APP: variants seen among roughly 807,000 people sequenced by gnomAD.
APP encodes amyloid beta precursor protein, also known as amyloid-beta precursor protein.
Under a neutral mutation model 101.4 loss-of-function variants are expected in APP, and 31 were observed. The ratio of observed to expected loss-of-function variants is 0.31; its 90% CI spans 0.23 to 0.41. APP has a LOEUF of 0.41. Among genes scored for constraint, APP ranks in the 10% least tolerant of loss-of-function variants. The pLI is 1.00. For synonymous variants in APP, 366 were observed against 364.4 expected (o/e 1.00, Z -0.05); for missense variants, 839 against 1,003.7 (o/e 0.84, Z 2.22).
At chr21:26,079,356 G>C (rs761145283) in intron 3 of APP, among the ~76,000 whole-genome samples, 9 of 152,166 alleles carry the variant, frequency 5.9e-5, no homozygotes, top group Non-Finnish European at 1.0e-4. Context: ...TAGAAATACT[G>C]TTCACATTAA....
At chr21:26,153,449 CT>C (rs1318113925) in intron 1 of APP, among the ~76,000 whole-genome samples, 1 of 138,956 alleles carries the variant, frequency 7.2e-6, no homozygotes, top group Admixed American at 7.2e-5. Flanking sequence ...GCAGATACCC[CT>C]GTACCTTGTT....
chr21:26,101,358 A>G (rs758937004), intron 2 of APP, among the ~76,000 whole-genome samples: 1 of 152,028 alleles, frequency 6.6e-6, no homozygotes, highest in Non-Finnish European at 1.5e-5. Context: ...CGGCCTCCCA[A>G]TGTGCTGGGA....
chr21:25,967,594 T>TA (rs1307691839), intron 11 of APP, among the ~76,000 whole-genome samples: 3 of 152,178 alleles, frequency 2.0e-5, no homozygotes, highest in East Asian at 1.9e-4. Context: ...TTGATTGAAA[T>TA]AAAAAATCCC....
chr21:25,944,424 T>A (rs575717077), intron 13 of APP, among the ~76,000 whole-genome samples: 1 of 152,288 alleles, frequency 6.6e-6, no homozygotes, highest in South Asian at 2.1e-4. Context: ...CTTCTATGAT[T>A]TACTTTCTAA....
chr21:25,940,622 G>A (rs767917087), intron 13 of APP, among the ~76,000 whole-genome samples: 18 of 151,938 alleles, frequency 1.2e-4, no homozygotes, highest in Non-Finnish European at 1.6e-4. Flanking sequence ...TTAAATTTTT[G>A]TGAATTAATC....
At chr21:26,141,862 T>A (rs2063053478) in intron 1 of APP, among the ~76,000 whole-genome samples, 1 of 152,168 alleles carries the variant, frequency 6.6e-6, no homozygotes, top group African/African-American at 2.4e-5. Context: ...CATTCAAAAA[T>A]TCAGAAAGGC....
intron 17 of APP, among the ~76,000 whole-genome samples, chr21:25,884,327 A>G (rs2037184953): frequency 6.6e-6 from 1 of 152,172 alleles, no homozygotes; most frequent in African/African-American, 2.4e-5. Flanking sequence ...ATCTCCCCTT[A>G]GCACACTCCC....
intron 3 of APP, among the ~76,000 whole-genome samples, chr21:26,067,947 G>A (rs1196245654): frequency 2.0e-5 from 3 of 151,278 alleles, no homozygotes; most frequent in Non-Finnish European, 4.4e-5. Flanking sequence ...CTCAAAGCCT[G>A]ATAGATTTTA....
chr21:26,148,413 T>TG (rs2063196958), intron 1 of APP, among the ~76,000 whole-genome samples: 1 of 152,192 alleles, frequency 6.6e-6, no homozygotes, highest in Non-Finnish European at 1.5e-5. Flanking sequence ...CCTTTGCTAG[T>TG]GTTTTTTCTT....
chr21:25,887,378 T>C (rs964161424), intron 17 of APP, among the ~76,000 whole-genome samples: 1 of 151,998 alleles, frequency 6.6e-6, no homozygotes, highest in Non-Finnish European at 1.5e-5. Context: ...GTGGTAATAA[T>C]AAAGGGCTAT....
chr21:26,144,196 T>A (rs1037659855), intron 1 of APP, among the ~76,000 whole-genome samples: 2 of 152,138 alleles, frequency 1.3e-5, no homozygotes, highest in African/African-American at 4.8e-5. Context: ...GCCTCTATGA[T>A]TCAGTTATCT....
chr21:25,997,339 C>G, intron 8 of APP, 21 bp downstream of exon 8: 2 of 1,611,160 alleles, frequency 1.2e-6, no homozygotes, highest in Non-Finnish European at 8.5e-7. Context: ...CTTCCCTTCC[C>G]TCAGGTGAAT....
intron 5 of APP, among the ~76,000 whole-genome samples, chr21:26,039,038 TTTC>T (rs1346918503): frequency 1.3e-5 from 2 of 152,210 alleles, no homozygotes; most frequent in East Asian, 3.8e-4. Context: ...TTACAAGTCT[TTTC>T]TTTCCTTGAC....
At chr21:25,918,145 A>C (rs1356640202) in intron 13 of APP, among the ~76,000 whole-genome samples, 2 of 152,240 alleles carry the variant, frequency 1.3e-5, no homozygotes, top group Non-Finnish European at 2.9e-5. Context: ...ATAGAACTAG[A>C]AATACCATTT....
chr21:26,112,287 T>C, intron 1 of APP, 141 bp from the exon 2 acceptor site: 1 of 831,928 alleles, frequency 1.2e-6, no homozygotes, highest in Non-Finnish European at 2.0e-6. Context: ...AACACTCCTT[T>C]AGATTAAGTG....
At chr21:26,100,590 T>C (rs750876434) in intron 2 of APP, among the ~76,000 whole-genome samples, 9 of 152,112 alleles carry the variant, frequency 5.9e-5, no homozygotes, top group East Asian at 1.9e-4. Flanking sequence ...AAAAGAAAGG[T>C]TGAGAAACAA....
intron 6 of APP, among the ~76,000 whole-genome samples, chr21:26,011,238 G>C (rs1352953428): frequency 3.3e-5 from 5 of 151,892 alleles, no homozygotes; most frequent in Non-Finnish European, 5.9e-5. Flanking sequence ...ATCATGCCCG[G>C]CTAATTTTTA....
intron 1 of APP, 50 bp downstream of exon 1, chr21:26,170,514 C>T (rs2063723684): frequency 6.6e-7 from 1 of 1,526,238 alleles, no homozygotes; most frequent in Non-Finnish European, 8.8e-7. Context: ...TGGGGGGTAT[C>T]GCGTCCCCAC....
intron 1 of APP, among the ~76,000 whole-genome samples, chr21:26,155,958 G>A (rs1310657813): frequency 6.9e-6 from 1 of 144,856 alleles, no homozygotes; most frequent in Non-Finnish European, 1.5e-5. Context: ...CCGAGACCGT[G>A]CCACTGCACT....
Sources: gnomAD v4.1 joint callset for allele counts (sites outside exome capture counted in the v4.1 genomes callset) on GRCh38, gnomAD v4.1.1 for gene constraint, MANE v1.5 for transcripts, NCBI Gene and HGNC (gene_info 2026-07-23, HGNC 2026-07-21) for gene names.